The following KCNMA1 variants were observed in gnomAD, a reference collection of about 807,000 sequenced individuals.
KCNMA1 encodes the protein Calcium-activated potassium channel subunit alpha-1.
Under a neutral mutation model 140.0 loss-of-function variants are expected in KCNMA1, and 29 were observed. The ratio of observed to expected loss-of-function variants is 0.21; its 90% CI spans 0.15 to 0.28. The LOEUF is 0.28. Ranked by LOEUF, KCNMA1 falls within the 10% of genes least tolerant of loss-of-function variation. The pLI is 1.00. For missense variants in KCNMA1, 880 were observed against 1,602.2 expected, an observed-to-expected ratio of 0.55 and a Z score of 7.70; for synonymous variants, 612 against 611.9, an observed-to-expected ratio of 1.00 and a Z score of 0.00.
chr10:77,011,597 A>AC (rs35650392), intron 18 of KCNMA1, among the ~76,000 whole-genome samples: 20 of 152,064 alleles, frequency 1.3e-4, no homozygotes, highest in African/African-American at 4.3e-4. Context: ...ATACTCAGGG[A>AC]CCCCCAATCC....
intron 1 of KCNMA1, among the ~76,000 whole-genome samples, chr10:77,472,628 C>T (rs1360097689): frequency 6.6e-6 from 1 of 152,196 alleles, no homozygotes; most frequent in Non-Finnish European, 1.5e-5. Context: ...ACCATGATAG[C>T]TCCTATAAAA....
chr10:77,276,015 C>G (rs877211), intron 2 of KCNMA1, among the ~76,000 whole-genome samples: 3 of 152,196 alleles, frequency 2.0e-5, no homozygotes, highest in African/African-American at 4.8e-5. Flanking sequence ...CGGTGTCCCC[C>G]CTTCCTTGCC....
intron 12 of KCNMA1, 89 bp downstream of exon 12, chr10:77,084,548 A>G: frequency 2.0e-6 from 2 of 1,007,640 alleles, no homozygotes; most frequent in Non-Finnish European, 1.5e-6. Flanking sequence ...AAGGCCTCAT[A>G]GAGATAGTCC....
intron 1 of KCNMA1, among the ~76,000 whole-genome samples, chr10:77,584,431 T>C (rs2076689133): frequency 6.6e-6 from 1 of 152,206 alleles, no homozygotes; most frequent in African/African-American, 2.4e-5. Context: ...CTCGGCTCAC[T>C]GCAACCCCTG....
chr10:77,455,796 C>T (rs74809993), intron 1 of KCNMA1, among the ~76,000 whole-genome samples: 1 of 152,198 alleles, frequency 6.6e-6, no homozygotes, highest in East Asian at 1.9e-4. Flanking sequence ...CCCATCACTG[C>T]TGCACTGGGT....
At position 77,454,801 on chromosome 10, in the gene KCNMA1, T is replaced by C. The variant is rs184721584; in HGVS notation, c.379-50778A>G. Among the ~76,000 whole-genome samples the C allele has an allele frequency of 9.0e-4, 137 of 152,326 alleles. 2 individuals are homozygous for C. The highest frequency in any genetic ancestry group is 8.2e-3 in the Admixed American group (126 of 15,304). On this transcript the variant is annotated intron_variant, in intron 1 of 27. Transcript: ENST00000286628. Reference sequence around the variant, plus strand: ...GCTATATTCTCTCTTAAGGTCTTCATATGGACTGCTGTCTAAAACAATCTA... The same window carrying C: ...GCTATATTCTCTCTTAAGGTCTTCACATGGACTGCTGTCTAAAACAATCTA...
At chr10:77,295,586 T>C (rs1322517430) in intron 2 of KCNMA1, among the ~76,000 whole-genome samples, 15 of 148,590 alleles carry the variant, frequency 1.0e-4, no homozygotes, top group Middle Eastern at 3.6e-3. Context: ...TCGAGACCAT[T>C]CTGGCTAACA....
intron 3 of KCNMA1, among the ~76,000 whole-genome samples, chr10:77,212,842 A>G (rs2046512624): frequency 6.6e-6 from 1 of 152,182 alleles, no homozygotes; most frequent in African/African-American, 2.4e-5. Context: ...TCGTCAGAGA[A>G]AAAAAATGAC....
intron 2 of KCNMA1, among the ~76,000 whole-genome samples, chr10:77,270,256 A>C (rs2064638012): frequency 6.6e-6 from 1 of 152,074 alleles, no homozygotes; most frequent in South Asian, 2.1e-4. Flanking sequence ...TTTTGAGCAA[A>C]ATGGGGGTTG....
intron 1 of KCNMA1, among the ~76,000 whole-genome samples, chr10:77,450,622 G>T (rs1001995600): frequency 2.1e-4 from 32 of 151,938 alleles, no homozygotes; most frequent in Non-Finnish European, 2.9e-5. Context: ...AAACTTTAAG[G>T]TATCTCACTA....
At chr10:76,968,241 G>A (rs1337134033) in intron 20 of KCNMA1, among the ~76,000 whole-genome samples, 1 of 152,102 alleles carries the variant, frequency 6.6e-6, no homozygotes, top group African/African-American at 2.4e-5. Flanking sequence ...ATGTTTTGCT[G>A]AAGGCTACGA....
intron 1 of KCNMA1, among the ~76,000 whole-genome samples, chr10:77,491,487 G>A (rs1237809920): frequency 6.6e-6 from 1 of 152,118 alleles, no homozygotes; most frequent in Non-Finnish European, 1.5e-5. Flanking sequence ...CTACAATGAG[G>A]CCACCCCGCC....
At chr10:76,877,983 C>T (rs187056717) in intron 29 of KCNMA1, 83 of 1,270,510 alleles carry the variant, frequency 6.5e-5, no homozygotes, top group South Asian at 6.0e-4. Context: ...CATTGAAAAA[C>T]GCAAAAAGGT....
At chr10:77,264,775 C>T (rs2062963264) in intron 2 of KCNMA1, among the ~76,000 whole-genome samples, 1 of 152,162 alleles carries the variant, frequency 6.6e-6, no homozygotes, top group Non-Finnish European at 1.5e-5. Context: ...TTCAGCACAG[C>T]CCCAGCCTGA....
At chr10:77,132,233 G>A (rs1485139014) in intron 5 of KCNMA1, among the ~76,000 whole-genome samples, 1 of 152,014 alleles carries the variant, frequency 6.6e-6, no homozygotes, top group Non-Finnish European at 1.5e-5. Context: ...ATCTTAAAAG[G>A]CCAGCTTAAT....
chr10:77,007,861 G>A (rs1169597856), intron 18 of KCNMA1, among the ~76,000 whole-genome samples: 1 of 151,792 alleles, frequency 6.6e-6, no homozygotes, highest in Non-Finnish European at 1.5e-5. Context: ...TAAAAGTCCT[G>A]AGACAAGGCC....
chr10:77,231,162 T>C (rs1044298263), intron 3 of KCNMA1, among the ~76,000 whole-genome samples: 1 of 152,202 alleles, frequency 6.6e-6, no homozygotes, highest in Non-Finnish European at 1.5e-5. Flanking sequence ...TCCTCTCCTT[T>C]ATCATTTGTA....
At chr10:77,328,985 C>G (rs192564949) in intron 2 of KCNMA1, among the ~76,000 whole-genome samples, 5 of 151,866 alleles carry the variant, frequency 3.3e-5, no homozygotes, top group Non-Finnish European at 7.4e-5. Flanking sequence ...GGACTACAGG[C>G]GCCTGCCACC....
intron 17 of KCNMA1, among the ~76,000 whole-genome samples, chr10:77,016,290 G>C (rs2092020305): frequency 6.6e-6 from 1 of 152,088 alleles, no homozygotes; most frequent in Non-Finnish European, 1.5e-5. Flanking sequence ...CAGTGACCCA[G>C]TTGCATTAAT....
Sources: allele counts gnomAD v4.1 joint callset (sites outside exome capture counted in the v4.1 genomes callset), GRCh38; gene constraint gnomAD v4.1.1; transcripts MANE v1.5; gene names NCBI Gene and HGNC (gene_info 2026-07-23, HGNC 2026-07-21).